Variants in AKAP6 observed in about 807,000 individuals in gnomAD.
The protein encoded by AKAP6 is A-kinase anchoring protein 6.
Under a neutral mutation model 188.5 loss-of-function variants are expected in AKAP6, and 58 were observed. The ratio of observed to expected loss-of-function variants is 0.31; its 90% CI spans 0.25 to 0.38. AKAP6 has a LOEUF of 0.38. Among genes scored for constraint, AKAP6 ranks in the 10% least tolerant of loss-of-function variants. AKAP6 has a pLI of 1.00. For missense variants in AKAP6, 2,710 were observed against 2,740.0 expected, an observed-to-expected ratio of 0.99 and a Z score of 0.24; for synonymous variants, 989 against 998.6, an observed-to-expected ratio of 0.99 and a Z score of 0.18.
intron 8 of AKAP6, among the ~76,000 whole-genome samples, chr14:32,687,414 CT>C (rs1889975142): frequency 1.4e-5 from 2 of 145,220 alleles, no homozygotes; most frequent in Non-Finnish European, 3.0e-5. Context: ...CTCTCTCTCT[CT>C]CTCTCTCTCT....
intron 9 of AKAP6, among the ~76,000 whole-genome samples, chr14:32,712,446 C>G (rs2029935386): frequency 6.6e-6 from 1 of 151,982 alleles, no homozygotes; most frequent in African/African-American, 2.4e-5. Flanking sequence ...GGCTCTTTCA[C>G]AAAGGATTTC....
In AKAP6 at chr14:32,546,985, T is replaced by C. The variant is rs1566568780; in HGVS notation, c.2332T>C (p.Trp778Arg). 2.5e-6 allele frequency: 4 copies of C among 1,591,746 alleles called. No individual in the cohort carries two copies. Among genetic ancestry groups the C allele is most frequent in the South Asian group, 2.3e-5 (2 of 88,606 alleles). Residue 778 changes from tryptophan to arginine, a missense_variant, in exon 4 of 14, where the codon TGG (tryptophan) becomes CGG (arginine). Trp to Arg is a moderately radical substitution (Grantham distance 101). Coordinates refer to ENST00000280979, the MANE Select transcript of AKAP6 (RefSeq NM_004274.5). ...GCACCAAGACAACTATGAAGCCATA[T>C]GGGAAAAAATAGAGGTAAGGTGGTT... ...IQHQDNYEAI[W>R]EKIEGFVNKL...
At chr14:32,782,650 T>C (rs2033288106) in intron 12 of AKAP6, among the ~76,000 whole-genome samples, 1 of 152,168 alleles carries the variant, frequency 6.6e-6, no homozygotes, top group South Asian at 2.1e-4. Flanking sequence ...ATTCAATTTA[T>C]AATATTAATA....
intron 9 of AKAP6, among the ~76,000 whole-genome samples, chr14:32,697,085 TAAG>T (rs1305366240): frequency 6.6e-6 from 1 of 152,190 alleles, no homozygotes; most frequent in African/African-American, 2.4e-5. Flanking sequence ...TCTTATAGAA[TAAG>T]AAGTACATTC....
chr14:32,787,160 C>A (rs2033447632), intron 12 of AKAP6, among the ~76,000 whole-genome samples: 1 of 152,084 alleles, frequency 6.6e-6, no homozygotes, highest in Admixed American at 6.5e-5. Context: ...GTTCTAAGAA[C>A]TCGAGGAAAT....
In AKAP6 at chr14:32,824,149, C is replaced by T; in HGVS notation, c.6336C>T (p.Tyr2112=). ...TGAGAAAAGGGGACTTTTATTCGTA[C>T]TTATCTCTCTCATCTCATGACAGTG... ...IQLRKGDFYS[Y]LSLSSHDSDC... The change falls in exon 13 of 14, where the codon TAC becomes TAT. Residue 2112 remains tyrosine, a synonymous_variant. Coordinates refer to ENST00000280979, the MANE Select transcript of AKAP6 (RefSeq NM_004274.5). 3 of 1,613,982 alleles carry T rather than the reference C, an allele frequency of 1.9e-6. No individual in the cohort carries two copies. Among genetic ancestry groups the T allele is most frequent in the South Asian group, 1.1e-5 (1 of 91,082 alleles).
intron 4 of AKAP6, 65 bp from the exon 5 acceptor site, chr14:32,577,055 T>A: frequency 1.3e-6 from 2 of 1,551,182 alleles, no homozygotes; most frequent in Non-Finnish European, 1.7e-6. Context: ...ATTGGCTTTT[T>A]ACAGAATAAC....
intron 1 of AKAP6, among the ~76,000 whole-genome samples, chr14:32,351,645 G>T (rs1887274057): frequency 6.6e-6 from 1 of 151,548 alleles, no homozygotes; most frequent in Non-Finnish European, 1.5e-5. Context: ...ACTAAGAAAA[G>T]AAATGTATTA....
intron 5 of AKAP6, among the ~76,000 whole-genome samples, chr14:32,596,261 C>G (rs1397908278): frequency 2.0e-5 from 3 of 152,158 alleles, no homozygotes; most frequent in African/African-American, 7.2e-5. Flanking sequence ...ACATGACTAT[C>G]CAACTGGGCT....
chr14:32,429,033 C>T (rs946313961), intron 1 of AKAP6, among the ~76,000 whole-genome samples: 3 of 152,136 alleles, frequency 2.0e-5, no homozygotes, highest in Non-Finnish European at 4.4e-5. Context: ...GAAAGGTGGC[C>T]GCAGACAAGC....
chr14:32,810,733 TCTC>T (rs2034203153), intron 12 of AKAP6, among the ~76,000 whole-genome samples: 3 of 152,156 alleles, frequency 2.0e-5, no homozygotes, highest in Non-Finnish European at 4.4e-5. Context: ...GGCTTTTTAA[TCTC>T]CTCTAAATCT....
intron 1 of AKAP6, among the ~76,000 whole-genome samples, chr14:32,397,236 T>G (rs1888908551): frequency 6.6e-6 from 1 of 152,152 alleles, no homozygotes; most frequent in Admixed American, 6.6e-5. Flanking sequence ...TATGCCAGGA[T>G]AGCCAAGGGT....
At position 32,614,649 on chromosome 14, in the gene AKAP6, T is replaced by C. The variant is rs537084159; in HGVS notation, c.2730+13857T>C. Among the ~76,000 whole-genome samples the C allele has an allele frequency of 3.9e-5, 6 of 152,280 alleles. No individual in the cohort carries two copies. In the South Asian group the frequency reaches 1.2e-3, roughly 32 times the overall value. On this transcript the variant is annotated intron_variant, in intron 7 of 13. Transcript: ENST00000280979. ...TTGTGGACTGCCTAACCAATAGCCA[T>C]TTTCCTCCTTTGTCCTAACAGCATC... is the stretch of plus-strand genomic sequence containing the variant.
chr14:32,783,471 T>C (rs569717283), intron 12 of AKAP6, among the ~76,000 whole-genome samples: 1 of 152,236 alleles, frequency 6.6e-6, no homozygotes, highest in South Asian at 2.1e-4. Flanking sequence ...TTTACTTTAT[T>C]TAAATTATAC....
At chr14:32,655,924 A>C (rs1387614452) in intron 7 of AKAP6, among the ~76,000 whole-genome samples, 1 of 152,188 alleles carries the variant, frequency 6.6e-6, no homozygotes, top group Non-Finnish European at 1.5e-5. Flanking sequence ...TCAGAAATCT[A>C]AAGAAAGTCA....
chr14:32,665,609 C>T (rs1041591629), intron 7 of AKAP6, among the ~76,000 whole-genome samples: 4 of 152,090 alleles, frequency 2.6e-5, no homozygotes, highest in African/African-American at 9.7e-5. Context: ...CATTCATTCC[C>T]CCACAGTATA....
rs538420283 is a variant in AKAP6 at position 32,814,421 on chromosome 14, G to C, written c.3589-6981G>C. Among the ~76,000 whole-genome samples, 3 of 152,160 alleles carry C rather than the reference G, an allele frequency of 2.0e-5. No individual in the cohort carries two copies. In the East Asian group the frequency reaches 5.8e-4, roughly 29 times the overall value. On this transcript the variant is annotated intron_variant, in intron 12 of 13. Transcript: ENST00000280979. Reference sequence around the variant, plus strand: ...GCATCCCATTCCTTCCTCCCCGCCCGCAGGCCCTGGAAAGTACCAGTCTCA... The same window carrying C: ...GCATCCCATTCCTTCCTCCCCGCCCCCAGGCCCTGGAAAGTACCAGTCTCA...
intron 7 of AKAP6, among the ~76,000 whole-genome samples, chr14:32,640,810 C>T (rs1359081000): frequency 6.6e-6 from 1 of 152,114 alleles, no homozygotes; most frequent in Admixed American, 6.6e-5. Flanking sequence ...AGAAATACTA[C>T]TGAGAATCTG....
intron 11 of AKAP6, among the ~76,000 whole-genome samples, chr14:32,758,924 C>T (rs1594918239): frequency 1.3e-5 from 2 of 152,128 alleles, no homozygotes; most frequent in African/African-American, 4.8e-5. Context: ...TTCTCGTTCC[C>T]AGGGGCTTTA....
Sources: allele counts gnomAD v4.1 joint callset (sites outside exome capture counted in the v4.1 genomes callset), GRCh38; gene constraint gnomAD v4.1.1; transcripts MANE v1.5; gene names NCBI Gene and HGNC (gene_info 2026-07-23, HGNC 2026-07-21).